Variants in RAP1A observed in about 807,000 individuals in gnomAD.
The protein encoded by RAP1A is ras-related protein Rap-1A.
RAP1A carries 6 observed loss-of-function variants against 26.4 expected under a neutral mutation model. The observed-to-expected ratio is 0.23, with a 90% CI of 0.12 to 0.45. RAP1A has a LOEUF of 0.45. Among genes scored for constraint, RAP1A ranks in the 20% least tolerant of loss-of-function variants. The probability of loss-of-function intolerance (pLI) is 0.99; values close to 1 mark genes in which losing one functional copy is unlikely to be tolerated. For missense variants in RAP1A, 121 were observed against 217.2 expected, an observed-to-expected ratio of 0.56 and a Z score of 2.78; for synonymous variants, 73 against 79.4, an observed-to-expected ratio of 0.92 and a Z score of 0.43.
At chr1:111,620,041 C>T (rs1319595323) in intron 1 of RAP1A, 107 bp downstream of exon 1, 4 of 394,560 alleles carry the variant, frequency 1.0e-5, no homozygotes, top group African/African-American at 4.1e-5. Flanking sequence ...CGCCTGGCTC[C>T]CCCTTCCTCC....
At chr1:111,703,164 T>TA (rs1662075633) in intron 4 of RAP1A, among the ~76,000 whole-genome samples, 172 bp from the exon 5 acceptor site, 1 of 152,252 alleles carries the variant, frequency 6.6e-6, no homozygotes. Flanking sequence ...TCTAGTTTAC[T>TA]GTCATTGTTT....
chr1:111,614,155 G>T (rs1047372188), intron 1 of RAP1A, among the ~76,000 whole-genome samples: 1 of 152,110 alleles, frequency 6.6e-6, no homozygotes, highest in African/African-American at 2.4e-5. Context: ...ATAGCTCTCC[G>T]CTTTTGTATA....
intron 1 of RAP1A, among the ~76,000 whole-genome samples, chr1:111,599,422 G>T (rs1158564968): frequency 6.6e-6 from 1 of 152,100 alleles, no homozygotes; most frequent in Non-Finnish European, 1.5e-5. Context: ...AGCCAGGATG[G>T]TCTCCATCTC....
chr1:111,657,561 T>C (rs1660501528), intron 1 of RAP1A, among the ~76,000 whole-genome samples: 1 of 152,186 alleles, frequency 6.6e-6, no homozygotes, highest in Non-Finnish European at 1.5e-5. Flanking sequence ...TTTCCTCCTA[T>C]GTTTTCTTCC....
intron 1 of RAP1A, among the ~76,000 whole-genome samples, chr1:111,572,772 G>A (rs1484156115): frequency 6.6e-6 from 1 of 152,084 alleles, no homozygotes; most frequent in Admixed American, 6.5e-5. Flanking sequence ...TAGGTTCGGG[G>A]GTACATGTGC....
intron 1 of RAP1A, among the ~76,000 whole-genome samples, chr1:111,584,829 C>G (rs1159215572): frequency 6.6e-6 from 1 of 152,104 alleles, no homozygotes; most frequent in African/African-American, 2.4e-5. Context: ...AATAAACCCA[C>G]AAATATGAGG....
At chr1:111,599,450 C>G (rs1324499980) in intron 1 of RAP1A, among the ~76,000 whole-genome samples, 2 of 152,216 alleles carry the variant, frequency 1.3e-5, no homozygotes, top group Non-Finnish European at 2.9e-5. Context: ...CGTGATCCAC[C>G]TGCCTCAGCC....
upstream of RAP1A, among the ~76,000 whole-genome samples, chr1:111,616,076 G>C (rs1316674906): frequency 3.3e-5 from 5 of 152,164 alleles, no homozygotes; most frequent in Non-Finnish European, 7.4e-5. Context: ...GCCATGAACA[G>C]AAAAGAGGAA....
chr1:111,577,675 T>G (rs1658174127), intron 1 of RAP1A, among the ~76,000 whole-genome samples: 1 of 152,148 alleles, frequency 6.6e-6, no homozygotes, highest in African/African-American at 2.4e-5. Flanking sequence ...CCTTAACCTC[T>G]CTGAAGTCTC....
chr1:111,637,442 A>G (rs1294044592), intron 1 of RAP1A, among the ~76,000 whole-genome samples: 1 of 152,154 alleles, frequency 6.6e-6, no homozygotes, highest in Non-Finnish European at 1.5e-5. Flanking sequence ...TTGTATGTAT[A>G]TCTGTGTTTT....
At chr1:111,542,908 G>T (rs1656892023) in intron 1 of RAP1A, among the ~76,000 whole-genome samples, 1 of 152,100 alleles carries the variant, frequency 6.6e-6, no homozygotes, top group South Asian at 2.1e-4. Context: ...TGTTGGGCAG[G>T]CTGGTCTCCA....
intron 1 of RAP1A, among the ~76,000 whole-genome samples, chr1:111,602,844 G>A (rs1397811944): frequency 6.6e-6 from 1 of 152,192 alleles, no homozygotes; most frequent in Non-Finnish European, 1.5e-5. Flanking sequence ...AAGTTGAAGG[G>A]ATATACCTAA....
At chr1:111,660,732 T>C (rs1660607185) in intron 1 of RAP1A, among the ~76,000 whole-genome samples, 1 of 152,242 alleles carries the variant, frequency 6.6e-6, no homozygotes, top group Non-Finnish European at 1.5e-5. Flanking sequence ...AAGTAAAAGC[T>C]GAAGTCCTTA....
chr1:111,573,757 T>C (rs1658094771), intron 1 of RAP1A, among the ~76,000 whole-genome samples: 1 of 152,258 alleles, frequency 6.6e-6, no homozygotes, highest in Non-Finnish European at 1.5e-5. Flanking sequence ...CACATGTATG[T>C]CTTTTTTTGA....
intron 1 of RAP1A, among the ~76,000 whole-genome samples, chr1:111,576,770 GACTCTA>G (rs1658153927): frequency 6.6e-6 from 1 of 152,208 alleles, no homozygotes; most frequent in African/African-American, 2.4e-5. Flanking sequence ...ATCTCAATCA[GACTCTA>G]AAGTCATTAA....
At chr1:111,679,460 C>T (rs192357001) in intron 1 of RAP1A, among the ~76,000 whole-genome samples, 16 of 152,292 alleles carry the variant, frequency 1.1e-4, no homozygotes, top group African/African-American at 2.6e-4. Context: ...CAAAACTGGG[C>T]GGCTGTTTGA....
intron 1 of RAP1A, among the ~76,000 whole-genome samples, chr1:111,647,851 T>C (rs1318211081): frequency 6.6e-6 from 1 of 152,166 alleles, no homozygotes; most frequent in Non-Finnish European, 1.5e-5. Context: ...CCAGATCTAA[T>C]ACATGTTAAG....
chr1:111,704,148 A>ATTTT (rs71078091), intron 5 of RAP1A, among the ~76,000 whole-genome samples, 195 bp from the exon 6 acceptor site: 20 of 136,882 alleles, frequency 1.5e-4, no homozygotes, highest in South Asian at 4.7e-4. Flanking sequence ...GATCTCTTCC[A>ATTTT]TTTTTTTTTT....
chr1:111,695,223 T>C, intron 2 of RAP1A, 118 bp from the exon 3 acceptor site: 1 of 668,862 alleles, frequency 1.5e-6, no homozygotes. Flanking sequence ...ACTTTACATT[T>C]ACGTGTTTAC....
Sources: gnomAD v4.1 joint callset for allele counts (sites outside exome capture counted in the v4.1 genomes callset) on GRCh38, gnomAD v4.1.1 for gene constraint, MANE v1.5 for transcripts, NCBI Gene and HGNC (gene_info 2026-07-23, HGNC 2026-07-21) for gene names.